The following USP9X variants were observed in gnomAD, a reference collection of about 807,000 sequenced individuals.
USP9X encodes ubiquitin specific peptidase 9 X-linked.
In USP9X, 7 loss-of-function variants were observed where a neutral mutation model predicts 190.3. The observed-to-expected ratio is 0.04, with a 90% CI of 0.02 to 0.07. The LOEUF (loss-of-function observed/expected upper bound fraction) is 0.07, where lower values mean the gene tolerates loss of function less well. USP9X is among the 10% of genes least tolerant of loss of function. USP9X has a pLI of 1.00. For missense variants in USP9X, 1,010 were observed against 1,916.9 expected (o/e 0.53, Z 8.83); for synonymous variants, 645 against 659.5 (o/e 0.98, Z 0.34).
intron 10 of USP9X, among the ~76,000 whole-genome samples, chrX:41,144,050 T>C (rs776565850): frequency 5.4e-5 from 6 of 111,038 alleles, no homozygotes; most frequent in Non-Finnish European, 1.1e-4. Context: ...TGAAACAATA[T>C]TGTTAGTGTG....
chrX:41,164,277 CTA>C (rs1193519057), intron 15 of USP9X, among the ~76,000 whole-genome samples: 2 of 110,297 alleles, frequency 1.8e-5, no homozygotes, highest in Non-Finnish European at 3.8e-5. Flanking sequence ...TTTTAAGTAG[CTA>C]TATAATGATT....
In USP9X at chrX:41,138,800, A is replaced by G. The variant is rs979643713; in HGVS notation, c.654+1778A>G. On this transcript the variant is annotated intron_variant, in intron 6 of 44. Transcript: ENST00000378308. ...GGTCTTAGGTGAAATTCACCATGCT[A>G]TCTTTGAGAAAAGGAACTTGTAGCA... Among the ~76,000 whole-genome samples, 3 of 113,378 alleles carry G rather than the reference A, an allele frequency of 2.6e-5. No individual in the cohort carries two copies. The South Asian group carries it at 1.1e-3, about 40-fold the overall frequency.
intron 38 of USP9X, among the ~76,000 whole-genome samples, chrX:41,221,670 T>C (rs778001931): frequency 2.1e-4 from 23 of 111,658 alleles, no homozygotes; most frequent in African/African-American, 6.8e-4. Context: ...GCAGTTCTAA[T>C]AGGCCTTGTG....
chrX:41,168,200 C>G lies in USP9X; in HGVS notation c.2618C>G (p.Thr873Arg). ...GACAGTGATTATCATGAGGAAAGAA[C>G]AATTCTCCCTATGTCGAGGTTTGTG... The part of the protein sequence containing the change: ...ECDSDYHEER[T>R]ILPMSRAFRG... Residue 873 changes from threonine (T) to arginine (R), a missense_variant, in exon 18 of 45, where the codon ACA becomes AGA. By Grantham distance (71) the Thr-to-Arg change is moderately conservative. Coordinates refer to ENST00000378308, the MANE Select transcript of USP9X (RefSeq NM_001039591.3). 8.3e-7 allele frequency: 1 copy of G among 1,201,342 alleles called. No individual in the cohort carries two copies. Among genetic ancestry groups the G allele is most frequent in the Non-Finnish European group, 1.1e-6 (1 of 889,730 alleles).
At chrX:41,134,023 T>C (rs997758009) in intron 4 of USP9X, among the ~76,000 whole-genome samples, 1 of 112,290 alleles carries the variant, frequency 8.9e-6, no homozygotes, top group Non-Finnish European at 1.9e-5. Flanking sequence ...AAACACTGAT[T>C]AATGGTATTT....
intron 32 of USP9X, among the ~76,000 whole-genome samples, chrX:41,209,118 T>C (rs1302917277): frequency 1.8e-5 from 2 of 112,018 alleles, no homozygotes; most frequent in African/African-American, 6.5e-5. Flanking sequence ...TTCCTACTTA[T>C]GTATGATACA....
At chrX:41,112,667 A>G in intron 1 of USP9X, among the ~76,000 whole-genome samples, 1 of 112,280 alleles carries the variant, frequency 8.9e-6, no homozygotes, top group Admixed American at 9.4e-5. Flanking sequence ...AAAAATCTTT[A>G]GCATAAATAC....
intron 11 of USP9X, 79 bp downstream of exon 11, chrX:41,144,705 C>A: frequency 1.3e-6 from 1 of 797,347 alleles, no homozygotes; most frequent in Non-Finnish European, 1.8e-6. Flanking sequence ...TACTTTTAGC[C>A]AATAAATACT....
intron 21 of USP9X, among the ~76,000 whole-genome samples, chrX:41,176,650 G>A (rs769037257): frequency 1.2e-4 from 14 of 112,157 alleles, no homozygotes; most frequent in Non-Finnish European, 2.4e-4. Context: ...ACAGGCTTCT[G>A]CTTACACATC....
In USP9X at chrX:41,215,808, CTT is replaced by C. The variant is rs774369657; in HGVS notation, c.5332-90_5332-89del. ...TTTATACTTAAAAATTCAGATAAGT[CTT>C]AATATCATTTAAAAGTTTGCTTGGG... On this transcript the variant is annotated intron_variant, in intron 34 of 44. Transcript: ENST00000378308. The C allele has an allele frequency of 1.7e-5, 16 of 938,081 alleles. No homozygotes were observed. The South Asian group carries it at 3.8e-4, about 22-fold the overall frequency. 77.3% of individuals were successfully genotyped at this position (938,081 alleles called of 1,213,427 possible).
At chrX:41,186,858 A>G (rs1173614950) in intron 24 of USP9X, among the ~76,000 whole-genome samples, 2 of 103,718 alleles carry the variant, frequency 1.9e-5, no homozygotes, top group African/African-American at 7.2e-5. Flanking sequence ...ACGGAGTCTC[A>G]CTCTGTTGCC....
intron 15 of USP9X, among the ~76,000 whole-genome samples, chrX:41,163,953 T>C (rs1213376499): frequency 2.7e-5 from 3 of 109,878 alleles, no homozygotes; most frequent in African/African-American, 9.9e-5. Flanking sequence ...CTCAGCTCAC[T>C]GCAACCTCCA....
At chrX:41,147,959 G>C (rs776924539) in intron 11 of USP9X, among the ~76,000 whole-genome samples, 175 of 110,879 alleles carry the variant, frequency 1.6e-3, no homozygotes, top group East Asian at 7.9e-3. Context: ...GTGAGTTTTG[G>C]GGGGGACATT....
chrX:41,212,493 TAAAA>T lies in USP9X; in HGVS notation c.5189+1815_5189+1818del, dbSNP rs777432635. On this transcript the variant is annotated intron_variant, in intron 33 of 44. Coordinates refer to ENST00000378308, the MANE Select transcript of USP9X (RefSeq NM_001039591.3). ...AAAAAAAAGCCTAAAAAAATAAAAA[TAAAA>T]AAAGATTTTACAAGAAAAACATTGA... 2.5e-4 allele frequency among the ~76,000 whole-genome samples: 21 copies of T among 84,209 alleles called. No individual in the cohort carries two copies. The East Asian group carries it at 3.7e-3, about 15-fold the overall frequency. 73.1% of individuals were successfully genotyped at this position (84,209 alleles called of 115,157 possible).
rs1304261665 is a variant in USP9X, at chrX:41,216,749, A to G, written c.6085+97A>G. 7 of 976,785 alleles carry G rather than the reference A, an allele frequency of 7.2e-6. No homozygotes were observed. The East Asian group carries it at 1.3e-4, about 18-fold the overall frequency. The allele number at this position is 976,785 out of a possible 1,213,427, so 80.5% of individuals were successfully genotyped here. A position where few individuals can be genotyped will look rare whatever the true frequency, so the allele number is the denominator to read the frequency against. Reference sequence around the variant, plus strand: ...CATAAAATTAATGTTTTCACTTTAAATGAGTCTAATTTGCTGGGTGTGGTG... The same window carrying G: ...CATAAAATTAATGTTTTCACTTTAAGTGAGTCTAATTTGCTGGGTGTGGTG... On this transcript the variant is annotated intron_variant, in intron 35 of 44. Coordinates refer to ENST00000378308, the MANE Select transcript of USP9X (RefSeq NM_001039591.3).
intron 21 of USP9X, among the ~76,000 whole-genome samples, 171 bp from the exon 22 acceptor site, chrX:41,183,827 T>TA (rs1422571391): frequency 1.8e-5 from 2 of 110,905 alleles, no homozygotes; most frequent in East Asian, 5.6e-4. Flanking sequence ...TTTGTTTATT[T>TA]TTTTTTTCTT....
rs746740840 is a variant in USP9X at position 41,131,548 on chromosome X, GT to G, written c.322+17del. 73 of 1,170,616 alleles carry G rather than the reference GT, an allele frequency of 6.2e-5. No homozygotes were observed. In the South Asian group the frequency reaches 1.2e-3, roughly 20 times the overall value. ...TCTTAGTAAAAAGGGTAAGTTATAT[GT>G]TTTTATGCTTCCTATAATGTATGCT... On this transcript the variant is annotated intron_variant, in intron 4 of 44. Transcript: ENST00000378308.
chrX:41,223,837 G>T (rs993983379), intron 39 of USP9X, among the ~76,000 whole-genome samples: 1 of 111,569 alleles, frequency 9.0e-6, no homozygotes, highest in Non-Finnish European at 1.9e-5. Flanking sequence ...CCTTTTTTAC[G>T]TGTTTAATGG....
At chrX:41,199,961 A>G (rs2063027625) in intron 30 of USP9X, among the ~76,000 whole-genome samples, 1 of 111,873 alleles carries the variant, frequency 8.9e-6, no homozygotes, top group Admixed American at 9.6e-5. Context: ...GGCAAGGGCA[A>G]TATAAAATAT....
Sources: gnomAD v4.1 joint callset for allele counts (sites outside exome capture counted in the v4.1 genomes callset) on GRCh38, gnomAD v4.1.1 for gene constraint, MANE v1.5 for transcripts, NCBI Gene and HGNC (gene_info 2026-07-23, HGNC 2026-07-21) for gene names.